ITPKC: variants seen among roughly 807,000 people sequenced by gnomAD.
ITPKC encodes the protein IP3 3-kinase C.
Under a neutral mutation model 67.1 loss-of-function variants are expected in ITPKC, and 33 were observed. That is an observed-to-expected ratio of 0.49 (90% confidence interval 0.37 to 0.66). The LOEUF (loss-of-function observed/expected upper bound fraction) is 0.66, where lower values mean the gene tolerates loss of function less well. Ranked by LOEUF, ITPKC falls within the 30% of genes least tolerant of loss-of-function variation. ITPKC has a pLI of 0.00. For synonymous variants in ITPKC, 341 were observed against 359.8 expected (o/e 0.95, Z 0.59); for missense variants, 820 against 892.1 (o/e 0.92, Z 1.03).
intron 1 of ITPKC, among the ~76,000 whole-genome samples, chr19:40,721,494 CCAAGTAGCTGGGACTA>C: frequency 6.6e-6 from 1 of 151,878 alleles, no homozygotes; most frequent in Admixed American, 6.6e-5. Context: ...CCTCGGCCTC[CCAAGTAGCTGGGACTA>C]CAAGCGCACG....
At chr19:40,726,495 C>G (rs1484386568) in intron 2 of ITPKC, among the ~76,000 whole-genome samples, 1 of 152,212 alleles carries the variant, frequency 6.6e-6, no homozygotes, top group Non-Finnish European at 1.5e-5. Flanking sequence ...TCTGCTGTTA[C>G]AGCAGGAAAG....
chr19:40,718,398 A>C, intron 1 of ITPKC, 108 bp downstream of exon 1: 2 of 1,389,788 alleles, frequency 1.4e-6, no homozygotes, highest in Non-Finnish European at 1.9e-6. Flanking sequence ...CCCACCAGCA[A>C]TTTCATCTCC....
rs775820023 is a variant in ITPKC at position 40,717,957 on chromosome 19, T to C, written c.822T>C (p.Asp274=). ...TGGFQIQQDT[D]GSWTQPSTDG... ...GTTTCCAAATACAACAGGATACTGA[T>C]GGCTCCTGGACACAACCTAGCACTG... The change falls in exon 1 of 7, where the codon GAT becomes GAC. Residue 274 remains aspartate (D), a synonymous_variant. Coordinates refer to ENST00000263370, the MANE Select transcript of ITPKC (RefSeq NM_025194.3). 1.5e-5 allele frequency: 25 copies of C among 1,614,032 alleles called. No homozygotes were observed. Among genetic ancestry groups the C allele is most frequent in the Non-Finnish European group, 2.1e-5 (25 of 1,180,032 alleles).
In ITPKC at chr19:40,733,284, G is replaced by A. The variant is rs1422268337; in HGVS notation, c.1594G>A (p.Val532Ile). 6.2e-7 allele frequency: 1 copy of A among 1,613,984 alleles called. No homozygotes were observed. The highest frequency in any genetic ancestry group is 1.3e-5 in the African/African-American group (1 of 74,928). The change falls in exon 4 of 7, where the codon GTC becomes ATC. Residue 532 changes from valine to isoleucine, a missense_variant. By Grantham distance (29) the Val-to-Ile change is conservative. This residue lies in a region of ITPKC where 339 missense variants were observed against 422.0 expected (regional missense o/e 0.80). Transcript: ENST00000263370. ...PTPEEHAQGAVTKPRYMQWRE... is the reference protein window; with the variant it reads ...PTPEEHAQGAITKPRYMQWRE... ...CCCTGAGGAGCATGCCCAGGGTGCAGTCACCAAGCCCCGCTACATGCAGTG... is the reference window on the plus strand; with the variant it reads ...CCCTGAGGAGCATGCCCAGGGTGCAATCACCAAGCCCCGCTACATGCAGTG...
chr19:40,719,454 AACTC>A (rs1237437702), intron 1 of ITPKC, among the ~76,000 whole-genome samples: 3 of 151,982 alleles, frequency 2.0e-5, no homozygotes, highest in East Asian at 1.9e-4. Context: ...TGCTTTTATT[AACTC>A]ACTCACTCCT....
rs144797221 is a variant in ITPKC at position 40,718,765 on chromosome 19, T to C, written c.1155+475T>C. Among the ~76,000 whole-genome samples the C allele has an allele frequency of 7.1e-4, 108 of 152,200 alleles. No homozygotes were observed. In the East Asian group the frequency reaches 0.019, roughly 27 times the overall value. On this transcript the variant is annotated intron_variant, in intron 1 of 6. Coordinates refer to ENST00000263370, the MANE Select transcript of ITPKC (RefSeq NM_025194.3). The stretch of plus-strand genomic sequence containing the variant: ...AAGGGTCACAAACCTTCACCACCCC[T>C]TAGCCTATTTGTATGTACATTTTTC...
Position 40,718,056 on chromosome 19 carries a change from G to A in ITPKC, c.921G>A (p.Glu307=), listed in dbSNP as rs202231780. The change falls in exon 1 of 7, where the codon GAG becomes GAA. Residue 307 remains glutamate (E), a synonymous_variant. Transcript: ENST00000263370. ...EPEDGPLEEP[E]PGELLTHLYS... ...AGGATGGCCCATTAGAGGAACCAGAGCCTGGAGAATTGCTGACTCACCTGT... is the reference window on the plus strand; with the variant it reads ...AGGATGGCCCATTAGAGGAACCAGAACCTGGAGAATTGCTGACTCACCTGT... The A allele has an allele frequency of 1.2e-4, 190 of 1,614,152 alleles. No individual in the cohort carries two copies. In the Middle Eastern group the frequency reaches 3.3e-3, roughly 28 times the overall value.
intron 1 of ITPKC, among the ~76,000 whole-genome samples, chr19:40,720,888 CTCCT>C (rs2082218872): frequency 6.6e-6 from 1 of 151,582 alleles, no homozygotes. Flanking sequence ...TCTCCCTTTC[CTCCT>C]TCCTTCCTTC....
chr19:40,737,118 G>A, intron 5 of ITPKC, 31 bp downstream of exon 5: 10 of 1,373,282 alleles, frequency 7.3e-6, no homozygotes, highest in Non-Finnish European at 1.0e-5. Flanking sequence ...CCAGAATGTA[G>A]CAGCTTAAGA....
At chr19:40,727,220 G>C (rs897486534) in intron 2 of ITPKC, among the ~76,000 whole-genome samples, 1 of 152,062 alleles carries the variant, frequency 6.6e-6, no homozygotes, top group Non-Finnish European at 1.5e-5. Context: ...TGTAATCCCA[G>C]CTACTCGGGA....
chr19:40,733,437 A>G (rs1307455778), intron 4 of ITPKC, 73 bp downstream of exon 4: 7 of 1,426,432 alleles, frequency 4.9e-6, no homozygotes, highest in Non-Finnish European at 6.7e-6. Context: ...TTCTTGGGGA[A>G]AGCCACGAGA....
intron 3 of ITPKC, among the ~76,000 whole-genome samples, chr19:40,732,602 T>C (rs2082276817): frequency 6.9e-6 from 1 of 145,662 alleles, no homozygotes; most frequent in Non-Finnish European, 1.5e-5. Flanking sequence ...GGGAAACCAA[T>C]ATACATTGTA....
rs1458205083 is a variant in ITPKC, at chr19:40,736,936, T to C, written c.1675-50T>C. The C allele has an allele frequency of 4.7e-6, 6 of 1,277,378 alleles. No homozygotes were observed. In the Admixed American group the frequency reaches 9.9e-5, roughly 21 times the overall value. 79.1% of individuals were successfully genotyped at this position (1,277,378 alleles called of 1,614,324 possible). On this transcript the variant is annotated intron_variant, in intron 4 of 6. Coordinates refer to ENST00000263370, the MANE Select transcript of ITPKC (RefSeq NM_025194.3). ...GTATTTGAGGTTGCTGGGTATTGGG[T>C]GCGGGAAGGAAAAGCCCATGACCCT...
chr19:40,739,691 C>A lies in ITPKC; in HGVS notation c.*131C>A. On this transcript the variant is annotated 3_prime_UTR_variant, in exon 7 of 7. Coordinates refer to ENST00000263370, the MANE Select transcript of ITPKC (RefSeq NM_025194.3). ...GGACGGGAGAGATTGTGTCATGTGC[C>A]ACACGAGACCAACGTGGAAAAGTCT... 1 of 745,554 alleles carries A rather than the reference C, an allele frequency of 1.3e-6. No individual in the cohort carries two copies. The highest frequency in any genetic ancestry group is 2.2e-6 in the Non-Finnish European group (1 of 463,630). 46.2% of individuals were successfully genotyped at this position (745,554 alleles called of 1,614,324 possible).
At chr19:40,733,020 C>T (rs2082278808) in intron 3 of ITPKC, 140 bp from the exon 4 acceptor site, 2 of 669,636 alleles carry the variant, frequency 3.0e-6, no homozygotes, top group Admixed American at 5.4e-5. Context: ...ACGTGTGTGT[C>T]TTTGTGGACT....
intron 3 of ITPKC, among the ~76,000 whole-genome samples, chr19:40,731,845 TAG>T (rs1471351227): frequency 2.0e-5 from 3 of 151,990 alleles, no homozygotes; most frequent in Non-Finnish European, 4.4e-5. Flanking sequence ...GGGGAAAGAT[TAG>T]AGTCCTGCCT....
intron 1 of ITPKC, among the ~76,000 whole-genome samples, chr19:40,720,006 A>G (rs778930902): frequency 1.3e-4 from 20 of 149,634 alleles, no homozygotes; most frequent in Admixed American, 7.4e-4. Context: ...AATAGCATCT[A>G]TCTTAATTAA....
chr19:40,725,287 C>T (rs2082241352), intron 1 of ITPKC, 53 bp from the exon 2 acceptor site: 2 of 1,185,228 alleles, frequency 1.7e-6, no homozygotes, highest in Non-Finnish European at 2.5e-6. Context: ...GCACCTCTAG[C>T]CCCTGCCTTC....
intron 4 of ITPKC, among the ~76,000 whole-genome samples, chr19:40,733,565 G>A (rs1357415912): frequency 1.3e-5 from 2 of 152,126 alleles, no homozygotes; most frequent in Non-Finnish European, 2.9e-5. Flanking sequence ...CATCTCCTGA[G>A]TCCATCTTTT....
Sources: gnomAD v4.1 joint callset for allele counts (sites outside exome capture counted in the v4.1 genomes callset) on GRCh38, gnomAD v4.1.1 for gene constraint, gnomAD v4.1.1 regional missense constraint, MANE v1.5 for transcripts, NCBI Gene and HGNC (gene_info 2026-07-23, HGNC 2026-07-21) for gene names.